The following ENTREP2 variants were observed in gnomAD, a reference collection of about 807,000 sequenced individuals.
ENTREP2 encodes endosomal transmembrane epsin interactor 2, also known as protein ENTREP2.
chr15:29,244,982 G>T, the ENTREP2 span, among the ~76,000 whole-genome samples: 127,796 of 152,208 alleles, frequency 0.84, 53,816 homozygotes, highest in African/African-American at 0.91. Flanking sequence ...AATGTTATTT[G>T]AACAGTTTTA....
At chr15:29,430,397 G>T in the ENTREP2 span, among the ~76,000 whole-genome samples, 22 of 152,236 alleles carry the variant, frequency 1.4e-4, no homozygotes, top group African/African-American at 5.1e-4. Flanking sequence ...ACGTGTACTC[G>T]CCAGGCAGAG....
the ENTREP2 span, among the ~76,000 whole-genome samples, chr15:29,572,843 CAA>C: frequency 6.6e-6 from 1 of 150,458 alleles, no homozygotes; most frequent in African/African-American, 2.4e-5. Flanking sequence ...CCACCCCCAC[CAA>C]AAAAAAGGAA....
chr15:29,279,638 C>T, the ENTREP2 span, among the ~76,000 whole-genome samples: 1 of 152,134 alleles, frequency 6.6e-6, no homozygotes, highest in African/African-American at 2.4e-5. Flanking sequence ...GCTGGGATTA[C>T]AGGCATGAGC....
chr15:29,504,062 T>G, the ENTREP2 span, among the ~76,000 whole-genome samples: 1 of 152,212 alleles, frequency 6.6e-6, no homozygotes, highest in Non-Finnish European at 1.5e-5. Flanking sequence ...TAGACGAATG[T>G]TAACTCTCCT....
At chr15:29,330,165 G>T in the ENTREP2 span, among the ~76,000 whole-genome samples, 586 of 152,130 alleles carry the variant, frequency 3.9e-3, 4 homozygotes, top group African/African-American at 0.013. Flanking sequence ...TTGGCCGAGC[G>T]CGGCAGCTCA....
the ENTREP2 span, chr15:29,124,616 A>G: frequency 2.3e-6 from 3 of 1,325,976 alleles, no homozygotes; most frequent in Admixed American, 6.0e-5. Flanking sequence ...CAATGTAGCC[A>G]AGGACCCACC....
chr15:29,476,707 G>A, the ENTREP2 span, among the ~76,000 whole-genome samples: 15 of 152,190 alleles, frequency 9.9e-5, no homozygotes, highest in African/African-American at 2.4e-4. Flanking sequence ...AGCAGGGGAC[G>A]AGTGAGTCTC....
the ENTREP2 span, among the ~76,000 whole-genome samples, chr15:29,365,436 A>G: frequency 6.6e-6 from 1 of 151,916 alleles, no homozygotes; most frequent in African/African-American, 2.4e-5. Flanking sequence ...TATTTTTAGT[A>G]GAGATGGGAT....
the ENTREP2 span, among the ~76,000 whole-genome samples, chr15:29,568,452 G>A: frequency 6.6e-6 from 1 of 152,142 alleles, no homozygotes; most frequent in African/African-American, 2.4e-5. Flanking sequence ...AGTGCTTTGG[G>A]AGGCTGAGGC....
the ENTREP2 span, among the ~76,000 whole-genome samples, chr15:29,620,136 G>GA: frequency 6.6e-6 from 1 of 152,138 alleles, no homozygotes; most frequent in Non-Finnish European, 1.5e-5. Context: ...CAGCTGTGAG[G>GA]AAGGACAGAT....
chr15:29,661,161 A>G, the ENTREP2 span, among the ~76,000 whole-genome samples: 8,781 of 152,308 alleles, frequency 0.058, 747 homozygotes, highest in African/African-American at 0.19. Context: ...CATTTGAAAG[A>G]ATCAGACAAT....
the ENTREP2 span, among the ~76,000 whole-genome samples, chr15:29,347,996 A>T: frequency 6.6e-6 from 1 of 152,190 alleles, no homozygotes; most frequent in African/African-American, 2.4e-5. Context: ...GAGGGGCACC[A>T]TCTGGGATGG....
At chr15:29,394,972 C>G in the ENTREP2 span, among the ~76,000 whole-genome samples, 8 of 145,042 alleles carry the variant, frequency 5.5e-5, no homozygotes, top group African/African-American at 2.0e-4. Context: ...ACTGCAAGCT[C>G]TGCCTCCTGG....
At chr15:29,311,140 G>C in the ENTREP2 span, among the ~76,000 whole-genome samples, 2 of 152,018 alleles carry the variant, frequency 1.3e-5, no homozygotes, top group African/African-American at 4.8e-5. Context: ...CTAAAATTTA[G>C]TATTCTCTCT....
chr15:29,560,918 G>A, the ENTREP2 span, among the ~76,000 whole-genome samples: 4 of 71,502 alleles, frequency 5.6e-5, no homozygotes, highest in African/African-American at 2.4e-4. Context: ...TGCAAACAAA[G>A]TTATACTGGA....
the ENTREP2 span, among the ~76,000 whole-genome samples, chr15:29,159,292 G>A: frequency 2.0e-5 from 3 of 152,124 alleles, no homozygotes; most frequent in Non-Finnish European, 4.4e-5. Flanking sequence ...CCTCCCGATA[G>A]GTTCGTGGTC....
chr15:29,446,488 G>A, the ENTREP2 span, among the ~76,000 whole-genome samples: 22 of 152,180 alleles, frequency 1.4e-4, no homozygotes, highest in Non-Finnish European at 2.5e-4. Context: ...CAGTAATCCT[G>A]AGACAATACG....
At chr15:29,513,831 G>A in the ENTREP2 span, among the ~76,000 whole-genome samples, 1 of 152,206 alleles carries the variant, frequency 6.6e-6, no homozygotes, top group Non-Finnish European at 1.5e-5. Context: ...AGCCAGATCT[G>A]GAGCACATTC....
At chr15:29,231,347 C>T in the ENTREP2 span, among the ~76,000 whole-genome samples, 2 of 152,182 alleles carry the variant, frequency 1.3e-5, no homozygotes, top group East Asian at 3.8e-4. Context: ...TTGATTTCTA[C>T]TTCCAAGCTA....
Sources: allele counts gnomAD v4.1 joint callset (sites outside exome capture counted in the v4.1 genomes callset), GRCh38; gene constraint gnomAD v4.1.1; transcripts MANE v1.5; gene names NCBI Gene and HGNC (gene_info 2026-07-23, HGNC 2026-07-21).